Variants in PHF8 observed in about 807,000 individuals in gnomAD.
The protein encoded by PHF8 is histone lysine demethylase PHF8.
A neutral mutation model predicts 74.4 loss-of-function variants in PHF8; 9 were observed. The ratio of observed to expected loss-of-function variants is 0.12; its 90% CI spans 0.07 to 0.21. The LOEUF (loss-of-function observed/expected upper bound fraction) is 0.21, where lower values mean the gene tolerates loss of function less well. Ranked by LOEUF, PHF8 falls within the 10% of genes least tolerant of loss-of-function variation. The pLI is 1.00. For missense variants in PHF8, 478 were observed against 816.6 expected, an observed-to-expected ratio of 0.59 and a Z score of 5.05; for synonymous variants, 311 against 316.6, an observed-to-expected ratio of 0.98 and a Z score of 0.19.
intron 4 of PHF8, among the ~76,000 whole-genome samples, chrX:54,021,946 T>C (rs934212355): frequency 3.6e-5 from 4 of 111,833 alleles, no homozygotes; most frequent in African/African-American, 1.3e-4. Flanking sequence ...AAAAGAGATA[T>C]ATGACCAATA....
intron 7 of PHF8, 52 bp downstream of exon 7, chrX:54,014,325 G>A (rs966608390): frequency 1.1e-5 from 9 of 828,125 alleles, no homozygotes; most frequent in African/African-American, 6.0e-5. Flanking sequence ...CATGTGACAC[G>A]TACAGGGAGG....
chrX:53,985,371 T>C, intron 17 of PHF8, 144 bp from the exon 18 acceptor site: 2 of 538,877 alleles, frequency 3.7e-6, no homozygotes, highest in Non-Finnish European at 6.2e-6. Flanking sequence ...AAGTGAAAAA[T>C]TTGGAATTAA....
intron 4 of PHF8, among the ~76,000 whole-genome samples, chrX:54,021,473 T>TTA (rs1367180951): frequency 1.2e-5 from 1 of 80,912 alleles, no homozygotes; most frequent in Admixed American, 1.3e-4. Context: ...TTTTTTTTTT[T>TTA]TTTTTTTTTT....
chrX:53,992,873 T>C, intron 13 of PHF8, 34 bp from the exon 14 acceptor site: 1 of 944,793 alleles, frequency 1.1e-6, no homozygotes, highest in Non-Finnish European at 1.5e-6. Flanking sequence ...GTTACCTGTC[T>C]GGGACTCCCA....
At chrX:54,001,137 C>A (rs782360949) in intron 10 of PHF8, among the ~76,000 whole-genome samples, 119 of 111,213 alleles carry the variant, frequency 1.1e-3, no homozygotes, top group African/African-American at 3.5e-3. Flanking sequence ...ACCATCCTGG[C>A]CAACATGGTG....
At chrX:54,035,084 C>T (rs983952140) in intron 2 of PHF8, among the ~76,000 whole-genome samples, 2 of 111,328 alleles carry the variant, frequency 1.8e-5, no homozygotes, top group African/African-American at 3.3e-5. Context: ...TTCAACCGGA[C>T]ATGGTGGCTC....
upstream of PHF8, chrX:54,044,528 C>G (rs2066615047): frequency 7.0e-6 from 3 of 430,042 alleles, no homozygotes; most frequent in Non-Finnish European, 8.7e-6. Context: ...GTGACGTCAT[C>G]GGGGGGGCGG....
intron 2 of PHF8, among the ~76,000 whole-genome samples, chrX:54,025,026 A>G (rs963982352): frequency 8.2e-5 from 9 of 109,457 alleles, no homozygotes; most frequent in East Asian, 2.9e-4. Flanking sequence ...ACAGGCGCCC[A>G]CCACCACGCC....
intron 18 of PHF8, among the ~76,000 whole-genome samples, chrX:53,976,305 A>C (rs2065374522): frequency 9.2e-6 from 1 of 108,339 alleles, no homozygotes; most frequent in Admixed American, 9.9e-5. Context: ...ACTCTGTCTC[A>C]AAAAAATAAA....
intron 4 of PHF8, among the ~76,000 whole-genome samples, chrX:54,019,450 AC>A (rs1259284081): frequency 3.7e-5 from 4 of 108,601 alleles, no homozygotes; most frequent in African/African-American, 1.3e-4. Flanking sequence ...CTCAAATGAG[AC>A]CCTGTCTCAA....
intron 19 of PHF8, 89 bp from the exon 20 acceptor site, chrX:53,944,332 T>C (rs1474910289): frequency 1.6e-6 from 1 of 639,605 alleles, no homozygotes; most frequent in African/African-American, 2.2e-5. Flanking sequence ...CCAAAGGTAC[T>C]CTCATTGGTC....
chrX:54,043,004 C>T, intron 1 of PHF8, 184 bp from the exon 2 acceptor site: 1 of 512,100 alleles, frequency 2.0e-6, no homozygotes, highest in East Asian at 4.1e-5. Context: ...AAGAACGGAG[C>T]TCAACCTTCC....
At chrX:54,002,820 A>C in intron 8 of PHF8, 138 bp from the exon 9 acceptor site, 1 of 515,880 alleles carries the variant, frequency 1.9e-6, no homozygotes, top group Admixed American at 2.7e-5. Context: ...AGATGTTCTC[A>C]AGGTGTGGTC....
At chrX:54,025,084 G>T (rs1303803608) in intron 2 of PHF8, among the ~76,000 whole-genome samples, 3 of 110,432 alleles carry the variant, frequency 2.7e-5, no homozygotes, top group South Asian at 3.8e-4. Context: ...CACCATGTTA[G>T]CCAGGATGGT....
Position 54,030,996 on chromosome X carries a change from A to T in PHF8, c.99-8153T>A, listed in dbSNP as rs142198283. Among the ~76,000 whole-genome samples, 643 of 112,204 alleles carry T rather than the reference A, an allele frequency of 5.7e-3. 6 individuals are homozygous for T. The highest frequency in any genetic ancestry group is 9.0e-3 in the Non-Finnish European group (482 of 53,303). On this transcript the variant is annotated intron_variant, in intron 2 of 21. Transcript: ENST00000338154. ...CACATGTTAAGTATTAGCTATCATC[A>T]TCATCATCGTTAATATTATCCTAAT... is the stretch of plus-strand genomic sequence containing the variant.
chrX:54,010,341 C>T (rs781877067), intron 8 of PHF8, among the ~76,000 whole-genome samples: 1 of 111,255 alleles, frequency 9.0e-6, no homozygotes, highest in East Asian at 2.8e-4. Flanking sequence ...AAAGAAAACA[C>T]TATGAACAAC....
At chrX:54,021,676 G>T (rs1223551443) in intron 4 of PHF8, among the ~76,000 whole-genome samples, 1 of 107,359 alleles carries the variant, frequency 9.3e-6, no homozygotes, top group Non-Finnish European at 1.9e-5. Context: ...CACCGTTTTA[G>T]CCGGGATGGT....
Position 54,043,885 on chromosome X carries a change from G to A in PHF8, c.-216C>T. ...TTTGGGCTGCAAGGACTCCACGCCC[G>A]CGGAGCTCAGCCCCAGCGACACGCC... On this transcript the variant is annotated 5_prime_UTR_variant, in exon 1 of 22. Transcript: ENST00000338154. 1 of 753,456 alleles carries A rather than the reference G, an allele frequency of 1.3e-6. No homozygotes were observed. Among genetic ancestry groups the A allele is most frequent in the Non-Finnish European group, 1.6e-6 (1 of 638,138 alleles). 62.1% of individuals were successfully genotyped at this position (753,456 alleles called of 1,213,427 possible).
intron 2 of PHF8, among the ~76,000 whole-genome samples, chrX:54,030,712 A>G (rs1557112362): frequency 3.6e-5 from 4 of 112,298 alleles, no homozygotes; most frequent in Non-Finnish European, 7.5e-5. Flanking sequence ...TCTCCACAAC[A>G]AATCAGGGCC....
Sources: allele counts gnomAD v4.1 joint callset (sites outside exome capture counted in the v4.1 genomes callset), GRCh38; gene constraint gnomAD v4.1.1; transcripts MANE v1.5; gene names NCBI Gene and HGNC (gene_info 2026-07-23, HGNC 2026-07-21).